KMT2C: variants seen among roughly 807,000 people sequenced by gnomAD.
The protein encoded by KMT2C is histone-lysine N-methyltransferase 2C.
A neutral mutation model predicts 507.9 loss-of-function variants in KMT2C; 88 were observed. That is an observed-to-expected ratio of 0.17 (90% CI 0.15 to 0.21). The LOEUF is 0.21. KMT2C is among the 10% of genes least tolerant of loss of function. The probability of loss-of-function intolerance (pLI) is 1.00; values close to 1 mark genes in which losing one functional copy is unlikely to be tolerated. For missense variants in KMT2C, 4,954 were observed against 5,957.8 expected (o/e 0.83, Z 5.55); for synonymous variants, 2,049 against 2,080.8 (o/e 0.98, Z 0.42).
chr7:152,322,645 T>C (rs2096783027), intron 3 of KMT2C, among the ~76,000 whole-genome samples: 1 of 151,958 alleles, frequency 6.6e-6, no homozygotes, highest in Admixed American at 6.5e-5. Context: ...ATGTGGGCAA[T>C]AACTTTTTGG....
At chr7:152,164,353 G>A (rs113383650) in intron 42 of KMT2C, among the ~76,000 whole-genome samples, 7 of 149,910 alleles carry the variant, frequency 4.7e-5, no homozygotes, top group South Asian at 2.1e-4. Context: ...GCAGTGGCGC[G>A]ATCTCGGCTC....
At chr7:152,142,619 AT>A (rs920384832) in intron 55 of KMT2C, among the ~76,000 whole-genome samples, 1 of 152,258 alleles carries the variant, frequency 6.6e-6, no homozygotes, top group African/African-American at 2.4e-5. Flanking sequence ...CTATTAATTC[AT>A]TGTGATATTT....
At chr7:152,317,449 C>T (rs1234005586) in intron 3 of KMT2C, among the ~76,000 whole-genome samples, 1 of 152,128 alleles carries the variant, frequency 6.6e-6, no homozygotes, top group Non-Finnish European at 1.5e-5. Flanking sequence ...TTCTGAAACC[C>T]ATCAGAGGGC....
At chr7:152,416,675 G>A (rs1297965759) in intron 1 of KMT2C, among the ~76,000 whole-genome samples, 2 of 150,114 alleles carry the variant, frequency 1.3e-5, no homozygotes, top group African/African-American at 4.9e-5. Flanking sequence ...AGTAAGCGGA[G>A]ATCATGCCAC....
chr7:152,410,671 T>C (rs1454776560), intron 1 of KMT2C, among the ~76,000 whole-genome samples: 1 of 149,038 alleles, frequency 6.7e-6, no homozygotes, highest in East Asian at 1.9e-4. Flanking sequence ...AGATTATGTA[T>C]ATATGTATAT....
Position 152,176,459 on chromosome 7 carries a change from T to C in KMT2C, c.8994A>G (p.Ser2998=), listed in dbSNP as rs1466648734. The part of the protein sequence containing the change: ...QVNPGLIPGQ[S]TVNHSLGTGK... ...CTGTCCCCAGACTGTGGTTAACTGT[T>C]GATTGACCTGGAATGAGCCCTGGGT... The change falls in exon 38 of 59, where the codon TCA becomes TCG. Residue 2998 remains serine, a synonymous_variant. Coordinates refer to ENST00000262189, the MANE Select transcript of KMT2C (RefSeq NM_170606.3). 2.7e-5 allele frequency: 44 copies of C among 1,614,042 alleles called. No homozygotes were observed. The highest frequency in any genetic ancestry group is 3.5e-5 in the Non-Finnish European group (41 of 1,180,038).
chr7:152,351,910 A>G lies in KMT2C; in HGVS notation c.250+6677T>C, dbSNP rs572747620. Among the ~76,000 whole-genome samples the G allele has an allele frequency of 3.9e-5, 6 of 152,278 alleles. No individual in the cohort carries two copies. In the East Asian group the frequency reaches 9.7e-4, roughly 24 times the overall value. The stretch of plus-strand genomic sequence containing the variant: ...TAACTGCACAAATTGTTTGCAGAGC[A>G]TGTGTGTTTGAACTATATGAAATCT... On this transcript the variant is annotated intron_variant, in intron 2 of 58. Transcript: ENST00000262189.
intron 14 of KMT2C, among the ~76,000 whole-genome samples, chr7:152,241,121 C>A (rs990641610): frequency 6.6e-6 from 1 of 152,220 alleles, no homozygotes; most frequent in Non-Finnish European, 1.5e-5. Flanking sequence ...ACATGCCAAG[C>A]TCTTTATCAA....
At chr7:152,410,532 AG>A (rs2116663896) in intron 1 of KMT2C, among the ~76,000 whole-genome samples, 6 of 151,672 alleles carry the variant, frequency 4.0e-5, no homozygotes, top group African/African-American at 1.5e-4. Flanking sequence ...GAGCCGAGAC[AG>A]CGCCACTGCA....
At chr7:152,353,190 C>T (rs753989246) in intron 2 of KMT2C, among the ~76,000 whole-genome samples, 3 of 151,972 alleles carry the variant, frequency 2.0e-5, no homozygotes, top group Non-Finnish European at 4.4e-5. Context: ...TTTGGGATGC[C>T]AAGGCAGGTG....
chr7:152,433,484 G>A (rs1484722660), intron 1 of KMT2C, among the ~76,000 whole-genome samples: 1 of 152,098 alleles, frequency 6.6e-6, no homozygotes, highest in Non-Finnish European at 1.5e-5. Context: ...AAAAACAACT[G>A]GAGATTCCAT....
At position 152,205,072 on chromosome 7, in the gene KMT2C, A is replaced by T. The variant is rs574973505; in HGVS notation, c.3961+34T>A. Reference sequence around the variant, plus strand: ...AATATCAAGACCAAAGGGTTACATTAAAAAAAAAATTTTTTTTTAAGTCAG... The same window carrying T: ...AATATCAAGACCAAAGGGTTACATTTAAAAAAAAATTTTTTTTTAAGTCAG... On this transcript the variant is annotated intron_variant, in intron 25 of 58. Coordinates refer to ENST00000262189, the MANE Select transcript of KMT2C (RefSeq NM_170606.3). The T allele has an allele frequency of 1.7e-4, 213 of 1,265,058 alleles. 1 individual carries two copies. The highest frequency in any genetic ancestry group is 1.3e-3 in the African/African-American group (86 of 64,830). The allele number at this position is 1,265,058 out of a possible 1,614,324, so 78.4% of individuals were successfully genotyped here. A position where few individuals can be genotyped will look rare whatever the true frequency, so the allele number is the denominator to read the frequency against.
At chr7:152,319,081 T>G (rs1236697784) in intron 3 of KMT2C, among the ~76,000 whole-genome samples, 1 of 152,142 alleles carries the variant, frequency 6.6e-6, no homozygotes, top group African/African-American at 2.4e-5. Flanking sequence ...AAGCATAAAA[T>G]TACTTAAATA....
chr7:152,195,350 T>C (rs1241397947), intron 28 of KMT2C, among the ~76,000 whole-genome samples: 1 of 152,154 alleles, frequency 6.6e-6, no homozygotes, highest in Non-Finnish European at 1.5e-5. Context: ...CGAAGTACAG[T>C]ACAGCTATAC....
intron 38 of KMT2C, among the ~76,000 whole-genome samples, chr7:152,175,150 A>AT (rs58064231): frequency 0.88 from 127,364 of 145,478 alleles, 55,810 homozygotes; most frequent in Admixed American, 0.9. Context: ...CGTTGTTTTC[A>AT]TTTTTTTTTT....
intron 1 of KMT2C, among the ~76,000 whole-genome samples, chr7:152,385,481 G>A (rs1264139163): frequency 4.6e-5 from 6 of 131,332 alleles, no homozygotes; most frequent in Admixed American, 7.2e-5. Flanking sequence ...GCGTAGTGGC[G>A]GGCGCCTGTA....
At chr7:152,187,194 TAA>T (rs796153743) in intron 33 of KMT2C, 66 bp downstream of exon 33, 2,638 of 1,117,312 alleles carry the variant, frequency 2.4e-3, no homozygotes, top group Non-Finnish European at 2.7e-3. Flanking sequence ...CTATTGCAGT[TAA>T]AAAAAAAAAA....
intron 23 of KMT2C, among the ~76,000 whole-genome samples, chr7:152,209,441 C>T (rs529316591): frequency 1.2e-4 from 14 of 118,712 alleles, no homozygotes; most frequent in African/African-American, 4.7e-4. Context: ...TGGGCGACAG[C>T]GGGACTCCGT....
rs1477418525 is a variant in KMT2C, at chr7:152,181,601, G to A, written c.6259C>T (p.His2087Tyr). ...LTPRPIDNFS[H>Y]NQSNDPYSQP... Reference sequence around the variant, plus strand: ...CTATATGGATCATTTGACTGATTATGAGAAAAATTATCTATAGGTCTTGGT... The same window carrying A: ...CTATATGGATCATTTGACTGATTATAAGAAAAATTATCTATAGGTCTTGGT... Residue 2087 changes from histidine (H) to tyrosine (Y), a missense_variant, in exon 36 of 59, where the codon CAT (histidine) becomes TAT (tyrosine). By Grantham distance (83) the His-to-Tyr change is moderately conservative. Around this residue, in one of 29 missense-constraint regions of KMT2C, gnomAD observed 1,689 missense variants for 1,654.3 expected, o/e 1.02. Coordinates refer to ENST00000262189, the MANE Select transcript of KMT2C (RefSeq NM_170606.3). 6 of 1,614,082 alleles carry A rather than the reference G, an allele frequency of 3.7e-6. No homozygotes were observed. The Admixed American group carries it at 1.0e-4, about 27-fold the overall frequency.
Sources: allele counts gnomAD v4.1 joint callset (sites outside exome capture counted in the v4.1 genomes callset), GRCh38; gene constraint gnomAD v4.1.1; regional missense constraint gnomAD v4.1.1; transcripts MANE v1.5; gene names NCBI Gene and HGNC (gene_info 2026-07-23, HGNC 2026-07-21).